The following PDGFC variants were observed in gnomAD, a reference collection of about 807,000 sequenced individuals.
The protein encoded by PDGFC is platelet derived growth factor C.
In PDGFC, 12 loss-of-function variants were observed where a neutral mutation model predicts 35.5. The ratio of observed to expected loss-of-function variants is 0.34; its 90% CI spans 0.22 to 0.55. The LOEUF (loss-of-function observed/expected upper bound fraction) is 0.55, where lower values mean the gene tolerates loss of function less well. Ranked by LOEUF, PDGFC falls within the 20% of genes least tolerant of loss-of-function variation. PDGFC has a pLI of 0.91. For synonymous variants in PDGFC, 159 were observed against 148.8 expected (o/e 1.07, Z -0.50); for missense variants, 322 against 412.4 (o/e 0.78, Z 1.90).
intron 3 of PDGFC, among the ~76,000 whole-genome samples, chr4:156,788,084 G>C (rs1731178903): frequency 6.6e-6 from 1 of 152,084 alleles, no homozygotes; most frequent in Non-Finnish European, 1.5e-5. Context: ...CATGGTGTGG[G>C]GGCATAATTC....
chr4:156,826,636 T>C (rs965321340), intron 2 of PDGFC, among the ~76,000 whole-genome samples: 3 of 152,238 alleles, frequency 2.0e-5, no homozygotes, highest in Non-Finnish European at 1.5e-5. Context: ...TTATCTGCTC[T>C]GTATTATTGC....
chr4:156,960,622 A>G (rs1474055533), intron 1 of PDGFC, among the ~76,000 whole-genome samples: 1 of 151,942 alleles, frequency 6.6e-6, no homozygotes, highest in Non-Finnish European at 1.5e-5. Flanking sequence ...GATGCCTTTT[A>G]TTATCTACAA....
rs142819881 is a variant in PDGFC at position 156,881,452 on chromosome 4, C to T, written c.119-31036G>A. Among the ~76,000 whole-genome samples the T allele has an allele frequency of 8.3e-3, 1,266 of 152,212 alleles. 17 individuals carry two copies. Among genetic ancestry groups the T allele is most frequent in the African/African-American group, 0.029 (1,218 of 41,512 alleles). On this transcript the variant is annotated intron_variant, in intron 1 of 5. Coordinates refer to ENST00000502773, the MANE Select transcript of PDGFC (RefSeq NM_016205.3). ...TTCCCACCCAAATCTCATCTTGTGG[C>T]TCCCATAATTCCCACGTGTTGTGGG...
chr4:156,869,067 C>T (rs1335545174), intron 1 of PDGFC, among the ~76,000 whole-genome samples: 4 of 152,096 alleles, frequency 2.6e-5, no homozygotes. Context: ...CAGTAAGCCT[C>T]AAAATCTGAT....
intron 2 of PDGFC, among the ~76,000 whole-genome samples, chr4:156,847,125 C>CTTTA (rs1729345596): frequency 6.6e-6 from 1 of 151,542 alleles, no homozygotes; most frequent in Non-Finnish European, 1.5e-5. Flanking sequence ...TGCATATACC[C>CTTTA]TTTAGGAGGT....
intron 2 of PDGFC, among the ~76,000 whole-genome samples, chr4:156,837,729 G>A (rs1246742173): frequency 6.6e-6 from 1 of 152,178 alleles, no homozygotes; most frequent in African/African-American, 2.4e-5. Context: ...CTAGAGAAGA[G>A]AGGGAGGTGT....
At chr4:156,949,026 G>A (rs1185538537) in intron 1 of PDGFC, among the ~76,000 whole-genome samples, 1 of 151,862 alleles carries the variant, frequency 6.6e-6, no homozygotes, top group Non-Finnish European at 1.5e-5. Flanking sequence ...GGTGAGAAAG[G>A]ATTATAGCGC....
intron 1 of PDGFC, among the ~76,000 whole-genome samples, chr4:156,859,597 G>A (rs1011196258): frequency 2.0e-5 from 3 of 151,964 alleles, no homozygotes; most frequent in Non-Finnish European, 2.9e-5. Flanking sequence ...AAATATGCTC[G>A]TGAACATCCT....
At chr4:156,771,310 A>T (rs898908223) in intron 4 of PDGFC, among the ~76,000 whole-genome samples, 10 of 152,126 alleles carry the variant, frequency 6.6e-5, no homozygotes, top group Non-Finnish European at 7.4e-5. Flanking sequence ...TTAGAACCTG[A>T]TTCACTGCCC....
intron 1 of PDGFC, among the ~76,000 whole-genome samples, chr4:156,910,361 T>C (rs1347479729): frequency 1.3e-5 from 2 of 152,112 alleles, no homozygotes; most frequent in African/African-American, 4.8e-5. Context: ...CCATGCTGCA[T>C]TTATCAATAA....
At chr4:156,789,524 G>C (rs763523404) in intron 3 of PDGFC, among the ~76,000 whole-genome samples, 5 of 152,132 alleles carry the variant, frequency 3.3e-5, no homozygotes, top group Non-Finnish European at 7.3e-5. Context: ...CTGCACGTGT[G>C]CACACACATG....
intron 1 of PDGFC, among the ~76,000 whole-genome samples, chr4:156,894,963 T>C (rs1180008506): frequency 6.6e-6 from 1 of 152,164 alleles, no homozygotes; most frequent in Non-Finnish European, 1.5e-5. Flanking sequence ...CAAATGAGTA[T>C]ATAATTAAAT....
chr4:156,783,962 G>A (rs1033023732), intron 3 of PDGFC, among the ~76,000 whole-genome samples: 1 of 152,110 alleles, frequency 6.6e-6, no homozygotes, highest in African/African-American at 2.4e-5. Flanking sequence ...TCTAGCTTCA[G>A]GGAATGCATT....
At chr4:156,850,679 C>T (rs1355617294) in intron 1 of PDGFC, among the ~76,000 whole-genome samples, 1 of 152,058 alleles carries the variant, frequency 6.6e-6, no homozygotes, top group Non-Finnish European at 1.5e-5. Context: ...ACGTCAACTA[C>T]AAACTCTTTT....
intron 1 of PDGFC, among the ~76,000 whole-genome samples, chr4:156,861,241 T>C (rs1021681345): frequency 6.6e-5 from 10 of 152,146 alleles, no homozygotes; most frequent in Non-Finnish European, 4.4e-5. Context: ...ACTCCCATTA[T>C]GAAAGGAAGG....
At chr4:156,935,542 A>C (rs1253954626) in intron 1 of PDGFC, among the ~76,000 whole-genome samples, 1 of 152,156 alleles carries the variant, frequency 6.6e-6, no homozygotes, top group African/African-American at 2.4e-5. Flanking sequence ...TCACTAAGGG[A>C]TAGGAATTTT....
chr4:156,781,548 A>C (rs935473747), intron 3 of PDGFC, among the ~76,000 whole-genome samples: 1 of 152,176 alleles, frequency 6.6e-6, no homozygotes, highest in Non-Finnish European at 1.5e-5. Flanking sequence ...CAGATTTCAC[A>C]AGCCTCGGTT....
chr4:156,919,249 A>T (rs1366360262), intron 1 of PDGFC, among the ~76,000 whole-genome samples: 3 of 152,312 alleles, frequency 2.0e-5, no homozygotes, highest in African/African-American at 7.2e-5. Flanking sequence ...AAAAAGAAAA[A>T]CTGACAACGG....
rs1017994346 is a variant in PDGFC at position 156,941,165 on chromosome 4, A to C, written c.118+29621T>G. The stretch of plus-strand genomic sequence containing the variant: ...ACTAAATTGTGAATTAATAATGAAG[A>C]CCATACTGACGCAGTGATCACTGAG... On this transcript the variant is annotated intron_variant, in intron 1 of 5. Coordinates refer to ENST00000502773, the MANE Select transcript of PDGFC (RefSeq NM_016205.3). 5.9e-5 allele frequency among the ~76,000 whole-genome samples: 9 copies of C among 152,174 alleles called. No homozygotes were observed. In the South Asian group the frequency reaches 1.7e-3, roughly 28 times the overall value.
Sources: gnomAD v4.1 joint callset for allele counts (sites outside exome capture counted in the v4.1 genomes callset) on GRCh38, gnomAD v4.1.1 for gene constraint, MANE v1.5 for transcripts, NCBI Gene and HGNC (gene_info 2026-07-23, HGNC 2026-07-21) for gene names.